The following PCDHGC5 variants were observed in gnomAD, a reference collection of about 807,000 sequenced individuals.
PCDHGC5 encodes the protein protocadherin gamma-C5.
Under a neutral mutation model 59.0 loss-of-function variants are expected in PCDHGC5, and 25 were observed. That is an observed-to-expected ratio of 0.42 (90% CI 0.31 to 0.59). PCDHGC5 has a LOEUF of 0.59. Ranked by LOEUF, PCDHGC5 falls within the 20% of genes least tolerant of loss-of-function variation. The pLI, the probability that PCDHGC5 is intolerant of heterozygous loss-of-function variation, is 0.13. For synonymous variants in PCDHGC5, 434 were observed against 505.5 expected (o/e 0.86, Z 1.90); for missense variants, 1,067 against 1,206.4 (o/e 0.88, Z 1.71).
chr5:141,507,570 G>A (rs562674847), intron 3 of PCDHGC5, among the ~76,000 whole-genome samples: 1 of 152,366 alleles, frequency 6.6e-6, no homozygotes, highest in South Asian at 2.1e-4. Flanking sequence ...CTGGGTCTGA[G>A]GAGATGCCAA....
chr5:141,490,061 A>G lies in PCDHGC5; in HGVS notation c.821A>G (p.Asn274Ser), dbSNP rs1562135413. Residue 274 changes from asparagine (N) to serine (S), a missense_variant, in exon 1 of 4, where the codon AAC becomes AGC. Transcript: ENST00000252087. This position sits in a 1 kb window ranked among gnomAD's most constrained non-coding sequence, Gnocchi z 5.4. Reference sequence around the variant, plus strand: ...GCCACTGATCCAGACGAGGGCACCAACGGCCAACTAGACTATTCTTTTGGA... The same window carrying G: ...GCCACTGATCCAGACGAGGGCACCAGCGGCCAACTAGACTATTCTTTTGGA... ...LNATDPDEGT[N>S]GQLDYSFGDH... 1.2e-6 allele frequency: 2 copies of G among 1,614,214 alleles called. No individual in the cohort carries two copies. Among genetic ancestry groups the G allele is most frequent in the East Asian group, 2.2e-5 (1 of 44,884 alleles).
intron 2 of PCDHGC5, among the ~76,000 whole-genome samples, chr5:141,500,023 G>C (rs1393994881): frequency 1.3e-5 from 2 of 151,754 alleles, no homozygotes; most frequent in Admixed American, 6.6e-5. Flanking sequence ...TTTTATATTT[G>C]AGTGAGTGTC....
rs753936459 is a variant in PCDHGC5 at position 141,501,288 on chromosome 5, TATAC to T, written c.2520-4103_2520-4100del. Among the ~76,000 whole-genome samples the T allele has an allele frequency of 4.5e-4, 37 of 81,322 alleles. No homozygotes were observed. The South Asian group carries it at 5.1e-3, about 11-fold the overall frequency. 53.4% of individuals were successfully genotyped at this position (81,322 alleles called of 152,430 possible). A position where few individuals can be genotyped will look rare whatever the true frequency, so the allele number is the denominator to read the frequency against. ...TAGTCCAGTCTATGGGATATTCCCT[TATAC>T]ACACACACACACACACACACACACA... On this transcript the variant is annotated intron_variant, in intron 2 of 3. Coordinates refer to ENST00000252087, the MANE Select transcript of PCDHGC5 (RefSeq NM_018929.3).
At chr5:141,505,123 C>T (rs1320836386) in intron 2 of PCDHGC5, among the ~76,000 whole-genome samples, 1 of 152,192 alleles carries the variant, frequency 6.6e-6, no homozygotes, top group African/African-American at 2.4e-5. Flanking sequence ...GATCGCGCCA[C>T]TGCACTCCAG....
chr5:141,501,333 A>ACACACACC (rs1186649373), intron 2 of PCDHGC5, among the ~76,000 whole-genome samples: 1 of 140,020 alleles, frequency 7.1e-6, no homozygotes, highest in African/African-American at 2.6e-5. Context: ...ACACACACAC[A>ACACACACC]CCCCAAACTC....
rs752088903 is a variant in PCDHGC5, at chr5:141,490,784, G to A, written c.1544G>A (p.Arg515Gln). The A allele has an allele frequency of 1.7e-5, 27 of 1,613,906 alleles. No individual in the cohort carries two copies. The highest frequency in any genetic ancestry group is 1.2e-4 in the African/African-American group (9 of 74,922). ...SFVYVNPEDGRIFAQRTFDYE... is the reference protein window; with the variant it reads ...SFVYVNPEDGQIFAQRTFDYE... The stretch of plus-strand genomic sequence containing the variant: ...GTGTATGTCAACCCAGAGGATGGAC[G>A]GATCTTTGCCCAGCGTACCTTTGAC... The change falls in exon 1 of 4, where the codon CGG becomes CAG. Residue 515 changes from arginine (R) to glutamine (Q), a missense_variant. Transcript: ENST00000252087. This position sits in a 1 kb window ranked among gnomAD's most constrained non-coding sequence, Gnocchi z 5.4.
At chr5:141,510,900 G>A in intron 3 of PCDHGC5, 47 bp from the exon 4 acceptor site, 6 of 1,613,378 alleles carry the variant, frequency 3.7e-6, no homozygotes, top group Non-Finnish European at 5.1e-6. Context: ...AGTGACTGTT[G>A]AGGACCCTAA....
chr5:141,491,243 ATGAGGACCC>A lies in PCDHGC5; in HGVS notation c.2010_2018del (p.Asp670_Glu672del). 1 of 1,614,200 alleles carries A rather than the reference ATGAGGACCC, an allele frequency of 6.2e-7. No individual in the cohort carries two copies. Among genetic ancestry groups the A allele is most frequent in the African/African-American group, 1.3e-5 (1 of 75,056 alleles). ...GCCACAGTGCTGCTGGTTCTGGAGG[ATGAGGACCC>A]TGAGGAAATGCCCAAATCCAGTGAC... On this transcript the variant is annotated inframe_deletion, in exon 1 of 4. Coordinates refer to ENST00000252087, the MANE Select transcript of PCDHGC5 (RefSeq NM_018929.3). This position sits in a 1 kb window ranked among gnomAD's most constrained non-coding sequence, Gnocchi z 6.9.
intron 3 of PCDHGC5, chr5:141,507,418 A>T (rs2099860509): frequency 6.6e-6 from 1 of 152,204 alleles, no homozygotes; most frequent in Non-Finnish European, 1.5e-5. Context: ...CTGTGAGGTT[A>T]AGTGGGGCCA....
At chr5:141,494,938 G>A in intron 2 of PCDHGC5, 73 bp downstream of exon 2, 1 of 1,611,916 alleles carries the variant, frequency 6.2e-7, no homozygotes, top group South Asian at 1.1e-5. Context: ...AGGAGATGGG[G>A]GAGGGCCCAG....
chr5:141,494,688 A>T (rs2099756168), intron 1 of PCDHGC5, 119 bp from the exon 2 acceptor site: 1 of 1,576,254 alleles, frequency 6.3e-7, no homozygotes, highest in Non-Finnish European at 8.6e-7. Context: ...GCCCCCTCTT[A>T]GTCCGTTTTC....
At chr5:141,509,153 C>G (rs2099875485) in intron 3 of PCDHGC5, among the ~76,000 whole-genome samples, 2 of 152,190 alleles carry the variant, frequency 1.3e-5, no homozygotes, top group Non-Finnish European at 2.9e-5. Context: ...CGGCTCTCCC[C>G]TCCCGTGTGC....
At chr5:141,506,787 G>A (rs55775963) in intron 3 of PCDHGC5, among the ~76,000 whole-genome samples, 1,925 of 152,270 alleles carry the variant, frequency 0.013, 43 homozygotes, top group African/African-American at 0.044. Flanking sequence ...CTTATAAGGA[G>A]GCTGGCAGAG....
intron 2 of PCDHGC5, among the ~76,000 whole-genome samples, chr5:141,501,290 TACACACACACACACACACACAC>T (rs55762287): frequency 1.4e-4 from 19 of 136,248 alleles, no homozygotes; most frequent in Admixed American, 1.1e-3. Context: ...TATTCCCTTA[TACACACACACACACACACACAC>T]ACACACACAC....
intron 2 of PCDHGC5, among the ~76,000 whole-genome samples, chr5:141,499,016 GGAAGGAA>G (rs2099788564): frequency 7.0e-6 from 1 of 143,496 alleles, no homozygotes; most frequent in Non-Finnish European, 1.5e-5. Flanking sequence ...AAGGAAGGAA[GGAAGGAA>G]GGAAGAAAAG....
rs911954966 is a variant in PCDHGC5, at chr5:141,491,081, C to G, written c.1841C>G (p.Thr614Arg). The change falls in exon 1 of 4, where the codon ACA (threonine) becomes AGA (arginine). Residue 614 changes from threonine (T) to arginine (R), a missense_variant. Coordinates refer to ENST00000252087, the MANE Select transcript of PCDHGC5 (RefSeq NM_018929.3). This position sits in a 1 kb window ranked among gnomAD's most constrained non-coding sequence, Gnocchi z 6.9. ...WLSYSLLPQS[T>R]APGLFLVSTH... ...TCCTACTCACTGTTGCCACAGTCCACAGCCCCAGGACTGTTCCTCGTGTCT... is the reference window on the plus strand; with the variant it reads ...TCCTACTCACTGTTGCCACAGTCCAGAGCCCCAGGACTGTTCCTCGTGTCT... The G allele has an allele frequency of 4.3e-6, 7 of 1,614,176 alleles. No individual in the cohort carries two copies. Among genetic ancestry groups the G allele is most frequent in the Non-Finnish European group, 5.9e-6 (7 of 1,180,010 alleles).
At chr5:141,499,908 G>A (rs903753761) in intron 2 of PCDHGC5, among the ~76,000 whole-genome samples, 2 of 151,980 alleles carry the variant, frequency 1.3e-5, no homozygotes, top group African/African-American at 2.4e-5. Flanking sequence ...GGCTGGTCTT[G>A]AACTCCTGGC....
rs1199756501 is a variant in PCDHGC5 at position 141,493,222 on chromosome 5, C to A, written c.2460+1522C>A. Among the ~76,000 whole-genome samples the A allele has an allele frequency of 6.6e-6, 1 of 152,194 alleles. No individual in the cohort carries two copies. Among genetic ancestry groups the A allele is most frequent in the East Asian group, 1.9e-4 (1 of 5,196 alleles). ...ACCTCATCTCATTTGCTCTTCCCAC[C>A]ATTGCTGTTGGCTAGGTACTAACAT... On this transcript the variant is annotated intron_variant, in intron 1 of 3. Coordinates refer to ENST00000252087, the MANE Select transcript of PCDHGC5 (RefSeq NM_018929.3). This position sits in a 1 kb window ranked among gnomAD's most constrained non-coding sequence, Gnocchi z 4.3.
intron 2 of PCDHGC5, among the ~76,000 whole-genome samples, chr5:141,496,391 A>G (rs1473991011): frequency 1.3e-5 from 2 of 151,930 alleles, no homozygotes; most frequent in Admixed American, 6.6e-5. Flanking sequence ...ACCTTACCCT[A>G]CCTCCTCAAT....
Sources: allele counts gnomAD v4.1 joint callset (sites outside exome capture counted in the v4.1 genomes callset), GRCh38; gene constraint gnomAD v4.1.1; non-coding constraint Gnocchi (gnomAD v3.1); transcripts MANE v1.5; gene names NCBI Gene and HGNC (gene_info 2026-07-23, HGNC 2026-07-21).